DMD: variants seen among roughly 807,000 people sequenced by gnomAD.
DMD encodes mutant dystrophin.
Under a neutral mutation model 330.1 loss-of-function variants are expected in DMD, and 63 were observed. That is an observed-to-expected ratio of 0.19 (90% CI 0.16 to 0.24). The LOEUF is 0.24. DMD is among the 10% of genes least tolerant of loss of function. The pLI is 1.00. For synonymous variants in DMD, 1,223 were observed against 959.8 expected (o/e 1.27, Z -5.07); for missense variants, 3,344 against 2,684.1 (o/e 1.25, Z -5.43).
chrX:32,946,894 G>C (rs917591087), intron 2 of DMD, among the ~76,000 whole-genome samples: 1 of 111,731 alleles, frequency 9.0e-6, no homozygotes, highest in Admixed American at 9.6e-5. Flanking sequence ...TCCCAGGTGG[G>C]ACCTAGGCAT....
intron 1 of DMD, chrX:33,127,939 G>A: frequency 1.3e-6 from 1 of 784,063 alleles, no homozygotes; most frequent in Non-Finnish European, 1.7e-6. Flanking sequence ...ATAGGTTATT[G>A]GTGTCAAACC....
At position 31,134,205 on chromosome X, in the gene DMD, G is replaced by A; in HGVS notation, c.10922-11C>T. On this transcript the variant is annotated splice_polypyrimidine_tract_variant and intron_variant, in intron 76 of 78. Coordinates refer to ENST00000357033, the MANE Select transcript of DMD (RefSeq NM_004006.3). ...GAAGATCTTCCTCACCTTAATAAAA[G>A]CAAAAACAAATAATGGAAAATTACA... is the stretch of plus-strand genomic sequence containing the variant. 8.4e-7 allele frequency: 1 copy of A among 1,183,960 alleles called. No homozygotes were observed. The highest frequency in any genetic ancestry group is 1.1e-6 in the Non-Finnish European group (1 of 872,264).
At chrX:31,268,372 G>A (rs2051348669) in intron 62 of DMD, among the ~76,000 whole-genome samples, 1 of 112,497 alleles carries the variant, frequency 8.9e-6, no homozygotes. Context: ...AAATATAAAG[G>A]TAAATGTTAT....
intron 60 of DMD, among the ~76,000 whole-genome samples, chrX:31,391,437 T>A (rs1271489772): frequency 2.7e-5 from 3 of 111,889 alleles, no homozygotes; most frequent in African/African-American, 9.8e-5. Flanking sequence ...AATATATTAA[T>A]GCTAACATTT....
chrX:31,423,762 C>T (rs1012332930), intron 60 of DMD, among the ~76,000 whole-genome samples: 8 of 111,057 alleles, frequency 7.2e-5, no homozygotes, highest in Admixed American at 1.9e-4. Context: ...TTTTTAAACC[C>T]GTGAACACCA....
chrX:31,763,151 A>G (rs2089738789), intron 51 of DMD, among the ~76,000 whole-genome samples: 1 of 113,053 alleles, frequency 8.8e-6, no homozygotes, highest in South Asian at 3.6e-4. Flanking sequence ...CAATCTAAAA[A>G]GTCAAATGAC....
At chrX:32,824,877 G>A (rs73462844) in intron 4 of DMD, among the ~76,000 whole-genome samples, 2,101 of 111,478 alleles carry the variant, frequency 0.019, 52 homozygotes, top group African/African-American at 0.065. Context: ...CATCGAAGGG[G>A]AGATTGATCA....
chrX:31,973,311 G>GA (rs1015960446), intron 44 of DMD, among the ~76,000 whole-genome samples: 3 of 109,557 alleles, frequency 2.7e-5, no homozygotes, highest in African/African-American at 1.0e-4. Context: ...AAAAAGAGTG[G>GA]AAAAATAGTA....
intron 9 of DMD, among the ~76,000 whole-genome samples, chrX:32,664,198 G>C: frequency 9.3e-6 from 1 of 108,057 alleles, no homozygotes; most frequent in Non-Finnish European, 1.9e-5. Context: ...GAAGTGATCA[G>C]ATTCTGGATA....
At chrX:31,790,334 A>G (rs1037906857) in intron 50 of DMD, among the ~76,000 whole-genome samples, 3 of 111,505 alleles carry the variant, frequency 2.7e-5, no homozygotes, top group African/African-American at 9.7e-5. Flanking sequence ...TCCCCTATTG[A>G]CAATGGGGGC....
At chrX:33,330,127 G>GGA (rs987578100) in intron 1 of DMD, among the ~76,000 whole-genome samples, 2 of 110,538 alleles carry the variant, frequency 1.8e-5, no homozygotes, top group African/African-American at 3.3e-5. Flanking sequence ...GAGAGAAAGA[G>GGA]GAGAGAGAGA....
At chrX:32,229,861 A>G (rs1290983209) in intron 43 of DMD, among the ~76,000 whole-genome samples, 2 of 106,193 alleles carry the variant, frequency 1.9e-5, no homozygotes, top group Admixed American at 1.0e-4. Context: ...AGAACACAAC[A>G]TAAGATTTCT....
intron 62 of DMD, among the ~76,000 whole-genome samples, chrX:31,286,346 G>A (rs1034593626): frequency 6.2e-5 from 7 of 112,105 alleles, no homozygotes; most frequent in Admixed American, 5.7e-4. Flanking sequence ...TCTTACTCAC[G>A]AATCTTCATT....
At chrX:32,566,559 C>T (rs1193391022) in intron 15 of DMD, among the ~76,000 whole-genome samples, 1 of 112,065 alleles carries the variant, frequency 8.9e-6, no homozygotes, top group Non-Finnish European at 1.9e-5. Context: ...AGAACTAAGT[C>T]GCTGGGCATG....
chrX:32,219,455 T>G (rs987182347), intron 43 of DMD, among the ~76,000 whole-genome samples: 2 of 112,142 alleles, frequency 1.8e-5, no homozygotes, highest in Admixed American at 9.5e-5. Context: ...TTATATAATT[T>G]TTCTATATTT....
At chrX:32,092,724 CTTTTT>C (rs11315047) in intron 44 of DMD, among the ~76,000 whole-genome samples, 20 of 39,781 alleles carry the variant, frequency 5.0e-4, no homozygotes, top group African/African-American at 2.1e-3. Flanking sequence ...GTTATTTTCA[CTTTTT>C]TTTTTTTTTT....
At chrX:32,167,330 C>T (rs2096871871) in intron 44 of DMD, among the ~76,000 whole-genome samples, 1 of 112,165 alleles carries the variant, frequency 8.9e-6, no homozygotes, top group Admixed American at 9.5e-5. Flanking sequence ...CAATATTAAA[C>T]GTGCAAGGAA....
At chrX:31,181,599 C>T (rs749056519) in intron 68 of DMD, among the ~76,000 whole-genome samples, 274 of 111,726 alleles carry the variant, frequency 2.5e-3, no homozygotes, top group African/African-American at 8.1e-3. Context: ...AGAAGGTGAC[C>T]TTTGCAAGCA....
chrX:31,264,923 T>C (rs1354514929), intron 62 of DMD, among the ~76,000 whole-genome samples: 1 of 112,649 alleles, frequency 8.9e-6, no homozygotes, highest in Non-Finnish European at 1.9e-5. Context: ...GCTTTTTTAG[T>C]TTCTTAAAAA....
Sources: allele counts gnomAD v4.1 joint callset (sites outside exome capture counted in the v4.1 genomes callset), GRCh38; gene constraint gnomAD v4.1.1; transcripts MANE v1.5; gene names NCBI Gene and HGNC (gene_info 2026-07-23, HGNC 2026-07-21).